Variants in LINGO1 observed in about 807,000 individuals in gnomAD.
LINGO1 encodes leucine-rich repeat and immunoglobulin-like domain-containing nogo receptor-interacting protein 1.
In LINGO1, 11 loss-of-function variants were observed where a neutral mutation model predicts 37.3. The ratio of observed to expected loss-of-function variants is 0.29; its 90% confidence interval spans 0.19 to 0.49. The LOEUF (loss-of-function observed/expected upper bound fraction) is 0.49, where lower values mean the gene tolerates loss of function less well. Ranked by LOEUF, LINGO1 falls within the 20% of genes least tolerant of loss-of-function variation. The probability of loss-of-function intolerance (pLI) is 0.99; values close to 1 mark genes in which losing one functional copy is unlikely to be tolerated. For synonymous variants in LINGO1, 387 were observed against 403.0 expected, an observed-to-expected ratio of 0.96 and a Z score of 0.48; for missense variants, 585 against 878.2, an observed-to-expected ratio of 0.67 and a Z score of 4.22.
At chr15:77,749,605 G>A (rs572802146) in intron 1 of LINGO1, among the ~76,000 whole-genome samples, 1 of 152,336 alleles carries the variant, frequency 6.6e-6, no homozygotes, top group East Asian at 1.9e-4. Flanking sequence ...ACCCTTCTTA[G>A]GAATGTGTCA....
At chr15:77,648,934 GCCACACA>G (rs2074697646) in intron 3 of LINGO1, 1 of 152,362 alleles carries the variant, frequency 6.6e-6, no homozygotes, top group East Asian at 1.9e-4. Flanking sequence ...CAAACCTGCA[GCCACACA>G]CCCCAGTGGC....
intron 1 of LINGO1, among the ~76,000 whole-genome samples, chr15:77,775,886 C>T (rs375994207): frequency 3.3e-5 from 5 of 152,172 alleles, no homozygotes; most frequent in African/African-American, 4.8e-5. Context: ...CCCACACACA[C>T]GCAGTTCCAG....
chr15:77,729,128 G>T (rs1001478946), intron 2 of LINGO1, among the ~76,000 whole-genome samples: 2 of 152,202 alleles, frequency 1.3e-5, no homozygotes, highest in African/African-American at 2.4e-5. Flanking sequence ...GGGCCCAGCC[G>T]GCACTGGGAG....
At chr15:77,815,864 T>C (rs1359435013) in intron 1 of LINGO1, among the ~76,000 whole-genome samples, 3 of 152,170 alleles carry the variant, frequency 2.0e-5, no homozygotes, top group Non-Finnish European at 4.4e-5. Flanking sequence ...AGATGGGCAC[T>C]GAGGATCCTC....
chr15:77,753,969 C>G (rs573683026), intron 1 of LINGO1, among the ~76,000 whole-genome samples: 13 of 152,204 alleles, frequency 8.5e-5, no homozygotes, highest in African/African-American at 1.9e-4. Flanking sequence ...ACTGCCCAGT[C>G]TCTTCCTTCT....
intron 1 of LINGO1, among the ~76,000 whole-genome samples, chr15:77,625,163 G>C (rs1439875955): frequency 6.6e-6 from 1 of 152,166 alleles, no homozygotes; most frequent in African/African-American, 2.4e-5. Context: ...GCTTGGGGTG[G>C]GGGGTGCCAC....
intron 1 of LINGO1, chr15:77,696,009 G>C (rs892524918): frequency 6.6e-6 from 1 of 152,138 alleles, no homozygotes; most frequent in African/African-American, 2.4e-5. Flanking sequence ...CCGGCACAGG[G>C]CGGGCTGGGC....
chr15:77,623,913 G>A (rs1015382257), intron 1 of LINGO1, among the ~76,000 whole-genome samples: 1 of 145,116 alleles, frequency 6.9e-6, no homozygotes, highest in African/African-American at 2.7e-5. Flanking sequence ...CTCTGTGTGT[G>A]ACTGATGTGT....
intron 1 of LINGO1, among the ~76,000 whole-genome samples, chr15:77,738,276 G>A (rs1003455370): frequency 1.3e-5 from 2 of 152,092 alleles, no homozygotes; most frequent in Admixed American, 6.6e-5. Flanking sequence ...GCACGATGAC[G>A]GAGAGAATCA....
chr15:77,723,153 C>T (rs951197521), intron 2 of LINGO1, among the ~76,000 whole-genome samples: 2 of 151,798 alleles, frequency 1.3e-5, no homozygotes, highest in Non-Finnish European at 2.9e-5. Context: ...CCACCCCGCC[C>T]CCACCCCCAG....
At chr15:77,658,913 T>C (rs1411799927) in intron 3 of LINGO1, among the ~76,000 whole-genome samples, 3 of 152,274 alleles carry the variant, frequency 2.0e-5, no homozygotes, top group East Asian at 1.9e-4. Flanking sequence ...GGCCCTGGAA[T>C]AGAGTGGAGT....
chr15:77,765,810 G>C (rs2076522530), intron 1 of LINGO1, among the ~76,000 whole-genome samples: 1 of 152,194 alleles, frequency 6.6e-6, no homozygotes, highest in Non-Finnish European at 1.5e-5. Context: ...AGGAGATGCT[G>C]CCATTGGGGC....
intron 3 of LINGO1, among the ~76,000 whole-genome samples, chr15:77,639,747 A>G (rs1053786542): frequency 2.6e-5 from 4 of 152,214 alleles, no homozygotes; most frequent in African/African-American, 7.2e-5. Context: ...CAAGTTTAAA[A>G]ACAAGCCCCA....
intron 1 of LINGO1, among the ~76,000 whole-genome samples, chr15:77,766,332 G>A (rs2076529841): frequency 3.0e-5 from 4 of 131,368 alleles, no homozygotes; most frequent in South Asian, 2.4e-4. Context: ...CAAACAGAGA[G>A]AGAGAGAAAA....
intron 2 of LINGO1, among the ~76,000 whole-genome samples, chr15:77,703,902 A>T (rs1449907330): frequency 6.6e-6 from 1 of 152,154 alleles, no homozygotes. Flanking sequence ...AGAAAGAGGA[A>T]GAAGATTCTA....
intron 3 of LINGO1, among the ~76,000 whole-genome samples, chr15:77,671,430 G>A (rs1426296632): frequency 1.3e-5 from 2 of 152,222 alleles, no homozygotes; most frequent in African/African-American, 4.8e-5. Flanking sequence ...AGGGTCCCAG[G>A]AAGGCTAAGC....
At chr15:77,626,386 A>G (rs966827043) in intron 1 of LINGO1, among the ~76,000 whole-genome samples, 5 of 152,230 alleles carry the variant, frequency 3.3e-5, no homozygotes, top group Non-Finnish European at 5.9e-5. Flanking sequence ...GATTATAAAT[A>G]AAACACTTGC....
chr15:77,732,608 C>T (rs1473090985), intron 2 of LINGO1, among the ~76,000 whole-genome samples: 1 of 152,240 alleles, frequency 6.6e-6, no homozygotes, highest in Non-Finnish European at 1.5e-5. Context: ...GAGTAGGCTT[C>T]ACATGTGCAG....
intron 1 of LINGO1, among the ~76,000 whole-genome samples, chr15:77,752,298 A>G (rs2076379830): frequency 6.6e-6 from 1 of 152,228 alleles, no homozygotes; most frequent in Non-Finnish European, 1.5e-5. Context: ...GGAGCCTAAC[A>G]GTAAAGACTT....
Sources: allele counts gnomAD v4.1 joint callset (sites outside exome capture counted in the v4.1 genomes callset), GRCh38; gene constraint gnomAD v4.1.1; transcripts MANE v1.5; gene names NCBI Gene and HGNC (gene_info 2026-07-23, HGNC 2026-07-21).